STIM2: variants seen among roughly 807,000 people sequenced by gnomAD.
STIM2 encodes the protein stromal interaction molecule 2.
In STIM2, 31 loss-of-function variants were observed where a neutral mutation model predicts 85.8. The ratio of observed to expected loss-of-function variants is 0.36; its 90% CI spans 0.27 to 0.49. STIM2 has a LOEUF of 0.49. Ranked by LOEUF, STIM2 falls within the 20% of genes least tolerant of loss-of-function variation. STIM2 has a pLI of 0.98. For synonymous variants in STIM2, 356 were observed against 331.1 expected, an observed-to-expected ratio of 1.08 and a Z score of -0.82; for missense variants, 841 against 927.6, an observed-to-expected ratio of 0.91 and a Z score of 1.21.
At position 27,009,464 on chromosome 4, in the gene STIM2, C is replaced by T. The variant is rs141364280; in HGVS notation, c.1489+462C>T. Among the ~76,000 whole-genome samples, 278 of 152,146 alleles carry T rather than the reference C, an allele frequency of 1.8e-3. 1 individual carries two copies. The highest frequency in any genetic ancestry group is 6.5e-3 in the African/African-American group (268 of 41,486). ...CAGGGAAAATATCCTTTCAAATGGC[C>T]GCTTAATGTATAGTAGGAATAAAAA... On this transcript the variant is annotated intron_variant, in intron 10 of 11. Coordinates refer to ENST00000467087, the MANE Select transcript of STIM2 (RefSeq NM_020860.4).
chr4:27,011,381 T>C (rs1040848791), intron 10 of STIM2, among the ~76,000 whole-genome samples: 1 of 152,256 alleles, frequency 6.6e-6, no homozygotes, highest in Non-Finnish European at 1.5e-5. Flanking sequence ...ATCCATAGTT[T>C]ATCCGTTTTT....
At chr4:26,962,861 T>G (rs1441459207) in intron 3 of STIM2, among the ~76,000 whole-genome samples, 1 of 152,186 alleles carries the variant, frequency 6.6e-6, no homozygotes, top group Non-Finnish European at 1.5e-5. Flanking sequence ...AGACACTGTT[T>G]TTAAAATGAA....
chr4:26,870,683 T>C (rs1722580822), intron 1 of STIM2, among the ~76,000 whole-genome samples: 1 of 152,180 alleles, frequency 6.6e-6, no homozygotes, highest in Admixed American at 6.5e-5. Flanking sequence ...GTGAGTCCCA[T>C]GTGCCAGACA....
chr4:26,932,258 A>G (rs536548488), intron 2 of STIM2, among the ~76,000 whole-genome samples: 1 of 152,372 alleles, frequency 6.6e-6, no homozygotes, highest in African/African-American at 2.4e-5. Context: ...GTTAATGTAG[A>G]TTATTAATCT....
At chr4:26,879,643 G>A (rs771234613) in intron 1 of STIM2, among the ~76,000 whole-genome samples, 15 of 152,096 alleles carry the variant, frequency 9.9e-5, no homozygotes, top group Non-Finnish European at 1.8e-4. Context: ...TAAGTATCAT[G>A]CCCATTATCT....
intron 2 of STIM2, among the ~76,000 whole-genome samples, chr4:26,936,866 C>T (rs1725411205): frequency 6.6e-6 from 1 of 152,110 alleles, no homozygotes; most frequent in African/African-American, 2.4e-5. Flanking sequence ...CATGACTCAC[C>T]ACAGCCTTGA....
At chr4:26,937,867 A>T (rs1314117583) in intron 2 of STIM2, among the ~76,000 whole-genome samples, 1 of 152,116 alleles carries the variant, frequency 6.6e-6, no homozygotes, top group African/African-American at 2.4e-5. Flanking sequence ...CACTGGCTCT[A>T]CCTCAGTTTG....
chr4:26,880,604 T>A (rs1359986223), intron 1 of STIM2, among the ~76,000 whole-genome samples: 2 of 146,854 alleles, frequency 1.4e-5, no homozygotes, highest in African/African-American at 2.5e-5. Context: ...AACCTTCATA[T>A]ATATAAATAT....
At chr4:27,021,693 G>A (rs1226242712) in intron 11 of STIM2, 1 of 450,536 alleles carries the variant, frequency 2.2e-6, no homozygotes, top group East Asian at 7.0e-5. Flanking sequence ...AGGGAAGAAT[G>A]AGAATGAAAG....
rs1310958844 is a variant in STIM2 at position 26,989,078 on chromosome 4, G to A, written c.398-6301G>A. Among the ~76,000 whole-genome samples, 3 of 152,194 alleles carry A rather than the reference G, an allele frequency of 2.0e-5. No homozygotes were observed. The East Asian group carries it at 5.8e-4, about 29-fold the overall frequency. ...GCCTCCGGAATAGCTGGGATTACAG[G>A]TATTTACCACTATGCCTGGCTAATT... On this transcript the variant is annotated intron_variant, in intron 3 of 11. Coordinates refer to ENST00000467087, the MANE Select transcript of STIM2 (RefSeq NM_020860.4).
At position 26,949,788 on chromosome 4, in the gene STIM2, A is replaced by G. The variant is rs148667170; in HGVS notation, c.283-7824A>G. Among the ~76,000 whole-genome samples the G allele has an allele frequency of 5.1e-3, 769 of 152,180 alleles. 6 individuals carry two copies. Among genetic ancestry groups the G allele is most frequent in the African/African-American group, 0.018 (744 of 41,526 alleles). On this transcript the variant is annotated intron_variant, in intron 2 of 11. Transcript: ENST00000467087. ...CTTGGCTCCTCCTCTTATCTTCCTG[A>G]TGGCCCATCCCATCCCCCATTCATT...
At chr4:26,952,381 C>T (rs769806326) in intron 2 of STIM2, among the ~76,000 whole-genome samples, 1 of 151,902 alleles carries the variant, frequency 6.6e-6, no homozygotes, top group South Asian at 2.1e-4. Context: ...TCATTCGTGT[C>T]CAAGAAATCA....
intron 4 of STIM2, among the ~76,000 whole-genome samples, chr4:26,997,719 T>C (rs1728009125): frequency 6.6e-6 from 1 of 152,202 alleles, no homozygotes; most frequent in Non-Finnish European, 1.5e-5. Flanking sequence ...ACATTAGGCT[T>C]TGGGGATACA....
intron 1 of STIM2, among the ~76,000 whole-genome samples, chr4:26,877,737 T>C (rs1057356415): frequency 6.6e-6 from 1 of 152,130 alleles, no homozygotes; most frequent in South Asian, 2.1e-4. Flanking sequence ...TTTTGTGCTT[T>C]AGATGGACTG....
intron 1 of STIM2, among the ~76,000 whole-genome samples, chr4:26,908,868 G>A: frequency 6.6e-6 from 1 of 152,098 alleles, no homozygotes; most frequent in East Asian, 1.9e-4. Context: ...TTTGGTTTTG[G>A]AATCAGTCAA....
intron 1 of STIM2, among the ~76,000 whole-genome samples, chr4:26,873,165 C>T (rs938114214): frequency 3.3e-5 from 5 of 152,060 alleles, no homozygotes; most frequent in Non-Finnish European, 5.9e-5. Flanking sequence ...TTTGGGAGGC[C>T]GAGGCGGGCG....
intron 1 of STIM2, among the ~76,000 whole-genome samples, chr4:26,878,886 C>T (rs1036723312): frequency 2.0e-5 from 3 of 152,114 alleles, no homozygotes; most frequent in African/African-American, 7.2e-5. Context: ...TGAGAACTCC[C>T]TCACTATCAT....
chr4:27,007,345 C>T (rs1358411527), intron 7 of STIM2, among the ~76,000 whole-genome samples, 188 bp from the exon 8 acceptor site: 1 of 148,274 alleles, frequency 6.7e-6, no homozygotes, highest in South Asian at 2.1e-4. Flanking sequence ...GACGGAGTCT[C>T]GCTCTGTTGT....
intron 3 of STIM2, among the ~76,000 whole-genome samples, chr4:26,978,843 G>T (rs1379499463): frequency 6.6e-6 from 1 of 152,186 alleles, no homozygotes; most frequent in Non-Finnish European, 1.5e-5. Flanking sequence ...GCAGGTAGAA[G>T]AAAACCTTGA....
Sources: allele counts gnomAD v4.1 joint callset (sites outside exome capture counted in the v4.1 genomes callset), GRCh38; gene constraint gnomAD v4.1.1; transcripts MANE v1.5; gene names NCBI Gene and HGNC (gene_info 2026-07-23, HGNC 2026-07-21).